Variants in ADAMTS17 observed in about 807,000 individuals in gnomAD.
The protein encoded by ADAMTS17 is A disintegrin and metalloproteinase with thrombospondin motifs 17.
A neutral mutation model predicts 141.5 loss-of-function variants in ADAMTS17; 113 were observed. The observed-to-expected ratio is 0.80, with a 90% CI of 0.69 to 0.93. The LOEUF (loss-of-function observed/expected upper bound fraction) is 0.93. Among genes scored for constraint, ADAMTS17 ranks in the 40% least tolerant of loss-of-function variants. The pLI, the probability that ADAMTS17 is intolerant of heterozygous loss-of-function variation, is 0.00. For synonymous variants in ADAMTS17, 768 were observed against 630.6 expected (o/e 1.22, Z -3.27); for missense variants, 1,659 against 1,517.9 (o/e 1.09, Z -1.54).
intron 20 of ADAMTS17, among the ~76,000 whole-genome samples, chr15:99,986,007 T>G (rs2141302017): frequency 6.6e-6 from 1 of 152,338 alleles, no homozygotes; most frequent in East Asian, 1.9e-4. Flanking sequence ...CTGTCTCCCT[T>G]TAGGCCAAGT....
intron 10 of ADAMTS17, among the ~76,000 whole-genome samples, chr15:100,139,076 A>T (rs913073019): frequency 1.3e-5 from 2 of 152,206 alleles, no homozygotes; most frequent in Non-Finnish European, 2.9e-5. Context: ...AAGACTGGGC[A>T]TTAAAAAGGG....
At position 100,203,437 on chromosome 15, in the gene ADAMTS17, T is replaced by C. The variant is rs187652796; in HGVS notation, c.1076-4014A>G. Reference sequence around the variant, plus strand: ...AAAATACAAAATTGGTTGGGTGTGGTGGCCCACGCCTGTAATCCCAGCACT... The same window carrying C: ...AAAATACAAAATTGGTTGGGTGTGGCGGCCCACGCCTGTAATCCCAGCACT... On this transcript the variant is annotated intron_variant, in intron 7 of 21. Transcript: ENST00000268070. Among the ~76,000 whole-genome samples the C allele has an allele frequency of 1.3e-4, 20 of 152,324 alleles. No homozygotes were observed. The South Asian group carries it at 3.7e-3, about 28-fold the overall frequency.
intron 7 of ADAMTS17, among the ~76,000 whole-genome samples, chr15:100,228,633 A>G (rs1376715555): frequency 6.6e-6 from 1 of 152,212 alleles, no homozygotes; most frequent in Admixed American, 6.5e-5. Flanking sequence ...AGAGCGCTGA[A>G]CAGACACAGG....
chr15:100,078,817 G>A (rs59248022), intron 15 of ADAMTS17, among the ~76,000 whole-genome samples: 2,091 of 152,298 alleles, frequency 0.014, 47 homozygotes, highest in African/African-American at 0.047. Flanking sequence ...CAAAGCATTT[G>A]TCTGATAAAG....
chr15:100,132,616 T>C (rs546971306), intron 11 of ADAMTS17, among the ~76,000 whole-genome samples: 1 of 152,234 alleles, frequency 6.6e-6, no homozygotes, highest in Non-Finnish European at 1.5e-5. Context: ...GCCAGCCCTA[T>C]AAAACAATTT....
At chr15:100,234,090 G>A (rs968731174) in intron 7 of ADAMTS17, among the ~76,000 whole-genome samples, 3 of 152,170 alleles carry the variant, frequency 2.0e-5, no homozygotes, top group African/African-American at 7.2e-5. Context: ...AGACCCAGCA[G>A]GCAAGGGCAG....
intron 18 of ADAMTS17, among the ~76,000 whole-genome samples, chr15:100,015,391 G>A (rs928999058): frequency 1.4e-4 from 22 of 151,842 alleles, no homozygotes; most frequent in African/African-American, 5.1e-4. Context: ...CATGCTATTT[G>A]TTGCCTGTGT....
At chr15:100,207,381 G>A (rs568244242) in intron 7 of ADAMTS17, among the ~76,000 whole-genome samples, 1 of 152,238 alleles carries the variant, frequency 6.6e-6, no homozygotes, top group South Asian at 2.1e-4. Context: ...AAGCCTCCCA[G>A]TCTGCAGTAT....
Position 99,974,366 on chromosome 15 carries a change from T to C in ADAMTS17, c.*36A>G, listed in dbSNP as rs768325336. 4 of 1,613,444 alleles carry C rather than the reference T, an allele frequency of 2.5e-6. No individual in the cohort carries two copies. The highest frequency in any genetic ancestry group is 2.7e-5 in the African/African-American group (2 of 74,954). ...CTTGCGGGTGGGTGGGTTTCAGACC[T>C]GAGTCTGAGCTTTGAGCGACCCTTG... On this transcript the variant is annotated 3_prime_UTR_variant, in exon 22 of 22. Coordinates refer to ENST00000268070, the MANE Select transcript of ADAMTS17 (RefSeq NM_139057.4).
chr15:100,099,923 G>A (rs554045696), intron 14 of ADAMTS17, among the ~76,000 whole-genome samples: 1 of 152,204 alleles, frequency 6.6e-6, no homozygotes. Flanking sequence ...AGCTGTCTGA[G>A]TCCTGGATTC....
intron 3 of ADAMTS17, among the ~76,000 whole-genome samples, chr15:100,312,381 G>A (rs957687610): frequency 1.3e-5 from 2 of 152,188 alleles, no homozygotes; most frequent in East Asian, 1.9e-4. Context: ...TGGAAAAAAT[G>A]AGGAAACAGA....
chr15:100,121,386 T>C (rs1203079126), intron 12 of ADAMTS17, among the ~76,000 whole-genome samples: 2 of 152,140 alleles, frequency 1.3e-5, no homozygotes, highest in Non-Finnish European at 2.9e-5. Context: ...CAAGGACCCA[T>C]ACTAAGACAC....
intron 18 of ADAMTS17, among the ~76,000 whole-genome samples, chr15:100,000,039 T>G (rs890847677): frequency 6.6e-6 from 1 of 152,116 alleles, no homozygotes; most frequent in African/African-American, 2.4e-5. Context: ...GGGGTGCAGT[T>G]GTGAGGACAA....
intron 9 of ADAMTS17, among the ~76,000 whole-genome samples, chr15:100,153,901 C>T (rs1425260245): frequency 5.3e-5 from 8 of 152,266 alleles, no homozygotes; most frequent in African/African-American, 1.7e-4. Context: ...CTGATCTTGG[C>T]CGGGCGCGGT....
chr15:100,311,235 C>A (rs2045394394), intron 3 of ADAMTS17, among the ~76,000 whole-genome samples: 2 of 152,214 alleles, frequency 1.3e-5, no homozygotes, highest in Non-Finnish European at 2.9e-5. Flanking sequence ...AACATGAACG[C>A]CGCTGATTCA....
At chr15:100,278,258 A>G (rs1003606616) in intron 4 of ADAMTS17, among the ~76,000 whole-genome samples, 4 of 151,794 alleles carry the variant, frequency 2.6e-5, no homozygotes, top group African/African-American at 9.7e-5. Context: ...AATGTGCTTT[A>G]GGCCACTGAG....
chr15:100,260,931 C>T (rs1450222600), intron 6 of ADAMTS17, among the ~76,000 whole-genome samples: 1 of 152,128 alleles, frequency 6.6e-6, no homozygotes, highest in Non-Finnish European at 1.5e-5. Context: ...ACATGTAACA[C>T]ATTTTGTTTA....
intron 14 of ADAMTS17, among the ~76,000 whole-genome samples, chr15:100,100,727 T>C (rs2036045507): frequency 6.6e-6 from 1 of 151,858 alleles, no homozygotes; most frequent in South Asian, 2.1e-4. Flanking sequence ...GGAGCATTTT[T>C]CTCCTGCCTG....
At chr15:100,237,954 A>C (rs1267646200) in intron 7 of ADAMTS17, among the ~76,000 whole-genome samples, 1 of 152,174 alleles carries the variant, frequency 6.6e-6, no homozygotes, top group Non-Finnish European at 1.5e-5. Context: ...GACTTGCCCA[A>C]GGTCAAGGAA....
Sources: gnomAD v4.1 joint callset for allele counts (sites outside exome capture counted in the v4.1 genomes callset) on GRCh38, gnomAD v4.1.1 for gene constraint, MANE v1.5 for transcripts, NCBI Gene and HGNC (gene_info 2026-07-23, HGNC 2026-07-21) for gene names.